PCDHA12: variants seen among roughly 807,000 people sequenced by gnomAD.
PCDHA12 encodes protocadherin alpha 12.
In PCDHA12, 44 loss-of-function variants were observed where a neutral mutation model predicts 60.0. The ratio of observed to expected loss-of-function variants is 0.73; its 90% CI spans 0.58 to 0.94. PCDHA12 has a LOEUF of 0.94. PCDHA12 is among the 40% of genes least tolerant of loss of function. PCDHA12 has a pLI of 0.00. For missense variants in PCDHA12, 1,276 were observed against 1,239.7 expected, an observed-to-expected ratio of 1.03 and a Z score of -0.44; for synonymous variants, 569 against 553.0, an observed-to-expected ratio of 1.03 and a Z score of -0.40.
intron 1 of PCDHA12, chr5:140,926,717 C>G (rs975992181): frequency 3.1e-6 from 3 of 967,258 alleles, no homozygotes; most frequent in East Asian, 6.0e-5. Context: ...CCAGCCCCGG[C>G]AATGCCGGCG....
At chr5:140,948,447 A>G (rs2094256090) in intron 1 of PCDHA12, among the ~76,000 whole-genome samples, 1 of 151,282 alleles carries the variant, frequency 6.6e-6, no homozygotes, top group Non-Finnish European at 1.5e-5. Flanking sequence ...TGTGCCAGGG[A>G]TTTTCTTTTA....
intron 1 of PCDHA12, chr5:140,882,971 G>A (rs1562782227): frequency 3.1e-6 from 5 of 1,614,206 alleles, no homozygotes; most frequent in Admixed American, 1.7e-5. Flanking sequence ...GATTCTGGAC[G>A]TGAATGACAA....
Position 141,009,998 on chromosome 5 carries a change from T to A in PCDHA12, c.*61T>A. On this transcript the variant is annotated 3_prime_UTR_variant, in exon 4 of 4. Transcript: ENST00000398631. ...TTGTAATAATGGCAAATCTCTCCCA[T>A]GTAGCAATTCCCTGCTCCTTTTTCC... 1 of 1,575,994 alleles carries A rather than the reference T, an allele frequency of 6.3e-7. No individual in the cohort carries two copies. Among genetic ancestry groups the A allele is most frequent in the Non-Finnish European group, 8.6e-7 (1 of 1,164,944 alleles).
chr5:140,941,194 TC>T lies in PCDHA12; in HGVS notation c.2368-37754del, dbSNP rs1420421121. 9.3e-3 allele frequency among the ~76,000 whole-genome samples: 1,044 copies of T among 112,328 alleles called. 8 individuals carry two copies. The highest frequency in any genetic ancestry group is 0.018 in the Admixed American group (200 of 11,012). 73.7% of individuals were successfully genotyped at this position (112,328 alleles called of 152,430 possible). The stretch of plus-strand genomic sequence containing the variant: ...CTTGAACATCCTGCTTCTTTTTTTT[TC>T]TTTCTTCCTTTCTTTCTTCCTTTCT... On this transcript the variant is annotated intron_variant, in intron 1 of 3. Coordinates refer to ENST00000398631, the MANE Select transcript of PCDHA12 (RefSeq NM_018903.4).
chr5:140,901,352 G>T (rs1426715966), intron 1 of PCDHA12, among the ~76,000 whole-genome samples: 2 of 152,138 alleles, frequency 1.3e-5, no homozygotes, highest in East Asian at 3.8e-4. Flanking sequence ...TGATGTCTTA[G>T]ATTTAAGTCT....
At position 140,993,767 on chromosome 5, in the gene PCDHA12, G is replaced by C. The variant is rs115607244; in HGVS notation, c.2515+11204G>C. ...ATACTTGCCATTATATTACAATTGC[G>C]CAGTATTTTGTACAGTAACATGCTG... On this transcript the variant is annotated intron_variant, in intron 3 of 3. Transcript: ENST00000398631. Among the ~76,000 whole-genome samples, 826 of 152,124 alleles carry C rather than the reference G, an allele frequency of 5.4e-3. 11 individuals are homozygous for C. Among genetic ancestry groups the C allele is most frequent in the African/African-American group, 0.018 (749 of 41,482 alleles).
intron 1 of PCDHA12, chr5:140,927,497 T>A: frequency 6.2e-7 from 1 of 1,614,094 alleles, no homozygotes; most frequent in Non-Finnish European, 8.5e-7. Flanking sequence ...CACCTGCTGG[T>A]GCTTACAGCT....
intron 1 of PCDHA12, chr5:140,884,756 T>A: frequency 7.0e-7 from 1 of 1,427,108 alleles, no homozygotes; most frequent in Admixed American, 3.0e-5. Flanking sequence ...TTTCAAATTA[T>A]TCTTTACTTT....
chr5:140,925,061 C>T (rs968376229), intron 1 of PCDHA12, among the ~76,000 whole-genome samples: 2 of 147,510 alleles, frequency 1.4e-5, no homozygotes, highest in Non-Finnish European at 3.0e-5. Context: ...GACTGGGCAA[C>T]AAAGCAACAC....
At chr5:140,927,259 C>G (rs1262444613) in intron 1 of PCDHA12, 5 of 1,614,042 alleles carry the variant, frequency 3.1e-6, no homozygotes, top group Non-Finnish European at 3.4e-6. Flanking sequence ...CAACTCACCT[C>G]TCTTTCCTGC....
intron 1 of PCDHA12, among the ~76,000 whole-genome samples, chr5:140,910,576 C>T (rs1305355365): frequency 6.6e-6 from 1 of 152,174 alleles, no homozygotes; most frequent in African/African-American, 2.4e-5. Context: ...TTTTCTGGAT[C>T]CTCCCAGCTG....
chr5:141,001,245 C>G (rs1554258043), intron 3 of PCDHA12, among the ~76,000 whole-genome samples: 2 of 152,082 alleles, frequency 1.3e-5, no homozygotes, highest in Non-Finnish European at 2.9e-5. Context: ...TAAATCAACC[C>G]TATGGGGCGG....
intron 1 of PCDHA12, chr5:140,969,611 A>G: frequency 1.4e-6 from 1 of 723,476 alleles, no homozygotes; most frequent in Non-Finnish European, 2.2e-6. Flanking sequence ...TAAAACACAG[A>G]TTTGTAGAGA....
At chr5:140,914,944 C>CTTTT (rs35695909) in intron 1 of PCDHA12, among the ~76,000 whole-genome samples, 1 of 128,266 alleles carries the variant, frequency 7.8e-6, no homozygotes, top group South Asian at 2.5e-4. Context: ...GAAAAGTTGT[C>CTTTT]TTTTTTTTTT....
intron 1 of PCDHA12, chr5:140,928,844 C>T (rs782361945): frequency 1.2e-6 from 2 of 1,614,168 alleles, no homozygotes; most frequent in Non-Finnish European, 1.7e-6. Flanking sequence ...TCCTCTGTCA[C>T]TCTGGGTGTG....
chr5:140,933,159 A>G (rs565076666), intron 1 of PCDHA12, among the ~76,000 whole-genome samples: 67 of 152,098 alleles, frequency 4.4e-4, no homozygotes, highest in African/African-American at 1.3e-3. Flanking sequence ...TTTGTTCCCA[A>G]TTTTAATTGA....
chr5:140,947,035 A>T (rs2094072055), intron 1 of PCDHA12, among the ~76,000 whole-genome samples: 1 of 151,748 alleles, frequency 6.6e-6, no homozygotes, highest in Admixed American at 6.6e-5. Flanking sequence ...GGATATACTA[A>T]TTACCCTGAT....
chr5:140,926,884 A>G, intron 1 of PCDHA12: 7 of 1,542,402 alleles, frequency 4.5e-6, no homozygotes, highest in Non-Finnish European at 6.1e-6. Flanking sequence ...GTGGACGCCT[A>G]GAGGGAGGAT....
Position 140,876,370 on chromosome 5 carries a change from G to A in PCDHA12, c.898G>A (p.Gly300Ser). ...TATGTTTTCAATAAATCCAGACACA[G>A]GTGAAATTAGAATTTATGGTGAACT... The part of the protein sequence containing the change: ...KCMFSINPDT[G>S]EIRIYGELDF... The change falls in exon 1 of 4, where the codon GGT (glycine) becomes AGT (serine). Residue 300 changes from glycine (G) to serine (S), a missense_variant. Transcript: ENST00000398631. 6.2e-7 allele frequency: 1 copy of A among 1,613,946 alleles called. No homozygotes were observed. Among genetic ancestry groups the A allele is most frequent in the Non-Finnish European group, 8.5e-7 (1 of 1,179,888 alleles).
Sources: allele counts gnomAD v4.1 joint callset (sites outside exome capture counted in the v4.1 genomes callset), GRCh38; gene constraint gnomAD v4.1.1; transcripts MANE v1.5; gene names NCBI Gene and HGNC (gene_info 2026-07-23, HGNC 2026-07-21).